TIAM1: variants seen among roughly 807,000 people sequenced by gnomAD.
The protein encoded by TIAM1 is rho guanine nucleotide exchange factor TIAM1.
Under a neutral mutation model 163.5 loss-of-function variants are expected in TIAM1, and 65 were observed. That is an observed-to-expected ratio of 0.40 (90% CI 0.33 to 0.49). The LOEUF (loss-of-function observed/expected upper bound fraction) is 0.49. Among genes scored for constraint, TIAM1 ranks in the 20% least tolerant of loss-of-function variants. TIAM1 has a pLI of 0.77. For synonymous variants in TIAM1, 833 were observed against 810.1 expected, an observed-to-expected ratio of 1.03 and a Z score of -0.48; for missense variants, 1,789 against 2,044.7, an observed-to-expected ratio of 0.87 and a Z score of 2.41.
At chr21:31,223,164 G>A (rs2087722443) in intron 8 of TIAM1, among the ~76,000 whole-genome samples, 1 of 152,120 alleles carries the variant, frequency 6.6e-6, no homozygotes, top group Non-Finnish European at 1.5e-5. Flanking sequence ...CAGCGCTGAA[G>A]ATGGTACCCT....
intron 2 of TIAM1, among the ~76,000 whole-genome samples, chr21:31,450,668 T>C (rs114796924): frequency 1.7e-3 from 259 of 152,256 alleles, no homozygotes; most frequent in African/African-American, 5.9e-3. Context: ...AAGAACAAAG[T>C]GTAATGGACT....
chr21:31,337,569 T>C (rs1395643814), intron 2 of TIAM1, among the ~76,000 whole-genome samples: 1 of 143,036 alleles, frequency 7.0e-6, no homozygotes, highest in Non-Finnish European at 1.5e-5. Flanking sequence ...TCTTGCTCTA[T>C]TGCCCAGGCT....
At chr21:31,534,425 C>T (rs1025930488) in intron 1 of TIAM1, among the ~76,000 whole-genome samples, 1 of 152,192 alleles carries the variant, frequency 6.6e-6, no homozygotes, top group Non-Finnish European at 1.5e-5. Flanking sequence ...CCTGTAATCC[C>T]AGCACTTTGG....
upstream of TIAM1, among the ~76,000 whole-genome samples, chr21:31,346,631 A>T (rs2076152694): frequency 6.6e-6 from 1 of 152,230 alleles, no homozygotes; most frequent in Non-Finnish European, 1.5e-5. Context: ...AAGCAGCCCC[A>T]TCGAGGCCCA....
At chr21:31,503,631 T>C (rs2046935560) in intron 1 of TIAM1, among the ~76,000 whole-genome samples, 1 of 17,934 alleles carries the variant, frequency 5.6e-5, no homozygotes, top group Non-Finnish European at 1.1e-4. Context: ...AAATCAGCAC[T>C]CCAAAATACA....
chr21:31,350,740 C>T (rs932839756), intron 2 of TIAM1, among the ~76,000 whole-genome samples: 8 of 152,210 alleles, frequency 5.3e-5, no homozygotes, highest in Admixed American at 5.2e-4. Context: ...CCTGTACAGC[C>T]TGCAGAACCA....
At chr21:31,499,558 T>A (rs1372932041) in intron 1 of TIAM1, among the ~76,000 whole-genome samples, 2 of 149,414 alleles carry the variant, frequency 1.3e-5, no homozygotes, top group Admixed American at 6.6e-5. Flanking sequence ...AAATTAAGAC[T>A]AAAAAAAAAA....
At position 31,266,320 on chromosome 21, in the gene TIAM1, G is replaced by A. The variant is rs202148756; in HGVS notation, c.653C>T (p.Ala218Val). Residue 218 changes from alanine to valine, a missense_variant, in exon 4 of 28, where the codon GCG becomes GTG. This residue lies in a region of TIAM1 where 555 missense variants were observed against 564.9 expected (regional missense o/e 0.98). Coordinates refer to ENST00000541036, the MANE Select transcript of TIAM1 (RefSeq NM_001353694.2). ...ACAGGTGCTGAGCTGCCGCGGACTC[G>A]CCCGCGTTTCCATCCCCCGAGCCTC... Reference protein sequence around the residue: ...CEEARGMETRASPRQLSTCQR... With the variant: ...CEEARGMETRVSPRQLSTCQR... 138 of 1,614,196 alleles carry A rather than the reference G, an allele frequency of 8.5e-5. No homozygotes were observed. Among genetic ancestry groups the A allele is most frequent in the South Asian group, 8.3e-4 (76 of 91,092 alleles).
chr21:31,418,337 GTC>G (rs2043446105), intron 2 of TIAM1, among the ~76,000 whole-genome samples: 1 of 92,648 alleles, frequency 1.1e-5, no homozygotes, highest in Non-Finnish European at 1.9e-5. Flanking sequence ...GCGAGACTCT[GTC>G]TCAAAAAAAA....
chr21:31,351,803 C>G (rs2076238525), intron 2 of TIAM1, among the ~76,000 whole-genome samples: 1 of 150,054 alleles, frequency 6.7e-6, no homozygotes, highest in Non-Finnish European at 1.5e-5. Flanking sequence ...CGTGGTGGCT[C>G]ATGCCTATAA....
intron 1 of TIAM1, among the ~76,000 whole-genome samples, chr21:31,510,208 AG>A (rs2047167685): frequency 6.6e-6 from 1 of 152,200 alleles, no homozygotes; most frequent in Non-Finnish European, 1.5e-5. Context: ...CCGCGACCAA[AG>A]GGCCAGCAGG....
intron 15 of TIAM1, among the ~76,000 whole-genome samples, chr21:31,165,546 G>C (rs2084168154): frequency 1.3e-5 from 2 of 152,126 alleles, no homozygotes; most frequent in South Asian, 4.1e-4. Context: ...CCAGGAAACT[G>C]AATTGGTTAG....
chr21:31,358,624 C>T (rs1412556168), intron 2 of TIAM1, among the ~76,000 whole-genome samples: 2 of 152,106 alleles, frequency 1.3e-5, no homozygotes, highest in Non-Finnish European at 1.5e-5. Flanking sequence ...CATCCCACAT[C>T]GAATCAGTCG....
At chr21:31,255,217 G>A (rs1039024750) in intron 4 of TIAM1, among the ~76,000 whole-genome samples, 1 of 152,160 alleles carries the variant, frequency 6.6e-6, no homozygotes, top group Admixed American at 6.5e-5. Flanking sequence ...GAATGCTCTT[G>A]TCATCTGTGA....
At chr21:31,217,506 CAG>C in intron 9 of TIAM1, 45 bp downstream of exon 9, 2 of 1,590,190 alleles carry the variant, frequency 1.3e-6, no homozygotes, top group South Asian at 2.3e-5. Context: ...GAGGTGGCCA[CAG>C]AAGTGATTTG....
At chr21:31,358,918 G>A (rs150812339) in intron 2 of TIAM1, among the ~76,000 whole-genome samples, 2,598 of 152,190 alleles carry the variant, frequency 0.017, 23 homozygotes, top group African/African-American at 0.025. Context: ...CTCTGGCCTC[G>A]TTATTACTTC....
Position 31,154,310 on chromosome 21 carries a change from C to G in TIAM1, c.3108G>C (p.Ser1036=). 1 of 1,614,122 alleles carries G rather than the reference C, an allele frequency of 6.2e-7. No individual in the cohort carries two copies. Among genetic ancestry groups the G allele is most frequent in the Non-Finnish European group, 8.5e-7 (1 of 1,180,026 alleles). The change falls in exon 17 of 28, where the codon TCG becomes TCC. Residue 1036 remains serine (S), a synonymous_variant. Transcript: ENST00000541036. ...GPQLATMRQL[S]DADKLRKVIC... ...TCACCTTGCGCAGCTTATCTGCATC[C>G]GAGAGTTGTCTCATGGTCGCCAGCT...
At chr21:31,318,943 A>C (rs1443593356) in intron 2 of TIAM1, among the ~76,000 whole-genome samples, 5 of 152,122 alleles carry the variant, frequency 3.3e-5, no homozygotes, top group Non-Finnish European at 7.4e-5. Context: ...AGCTCACTGC[A>C]ACCTCGAACT....
intron 2 of TIAM1, among the ~76,000 whole-genome samples, chr21:31,413,383 C>T (rs2043274453): frequency 6.6e-6 from 1 of 150,744 alleles, no homozygotes; most frequent in Non-Finnish European, 1.5e-5. Flanking sequence ...CATTCTCCTG[C>T]CTCAGCCTCC....
Sources: allele counts gnomAD v4.1 joint callset (sites outside exome capture counted in the v4.1 genomes callset), GRCh38; gene constraint gnomAD v4.1.1; regional missense constraint gnomAD v4.1.1; transcripts MANE v1.5; gene names NCBI Gene and HGNC (gene_info 2026-07-23, HGNC 2026-07-21).